Variants in ARMH3 observed in about 807,000 individuals in gnomAD.
The protein encoded by ARMH3 is armadillo like helical domain containing 3, also known as armadillo-like helical domain-containing protein 3.
Under a neutral mutation model 99.1 loss-of-function variants are expected in ARMH3, and 60 were observed. The ratio of observed to expected loss-of-function variants is 0.61; its 90% CI spans 0.49 to 0.75. ARMH3 has a LOEUF of 0.75. ARMH3 is among the 30% of genes least tolerant of loss of function. The pLI is 0.00. For synonymous variants in ARMH3, 285 were observed against 292.8 expected (o/e 0.97, Z 0.27); for missense variants, 679 against 843.1 (o/e 0.81, Z 2.41).
In ARMH3 at chr10:101,995,242, G is replaced by T. The variant is rs541521532; in HGVS notation, c.1209+55C>A. ...CAGTAATGGGGTGAGGGGAGGCAGG[G>T]AAAGATAGCACTTTGTAAAAGACTG... is the stretch of plus-strand genomic sequence containing the variant. On this transcript the variant is annotated intron_variant, in intron 16 of 25. Coordinates refer to ENST00000370033, the MANE Select transcript of ARMH3 (RefSeq NM_024541.3). 1.1e-5 allele frequency: 16 copies of T among 1,476,412 alleles called. No individual in the cohort carries two copies. In the Admixed American group the frequency reaches 1.8e-4, roughly 16 times the overall value. The allele number at this position is 1,476,412 out of a possible 1,614,324, so 91.5% of individuals were successfully genotyped here. A position where few individuals can be genotyped will look rare whatever the true frequency, so the allele number is the denominator to read the frequency against.
chr10:101,967,056 C>A (rs996121430), intron 20 of ARMH3, among the ~76,000 whole-genome samples: 37 of 152,198 alleles, frequency 2.4e-4, no homozygotes, highest in African/African-American at 8.4e-4. Flanking sequence ...CTTTTACATG[C>A]TATGAAGACA....
intron 2 of ARMH3, among the ~76,000 whole-genome samples, chr10:102,034,268 C>A (rs1337759511): frequency 1.3e-5 from 2 of 152,130 alleles, no homozygotes; most frequent in Non-Finnish European, 2.9e-5. Context: ...ATGCTAAAAT[C>A]CAAAATTTCC....
At chr10:101,871,293 C>T (rs985510671) in intron 24 of ARMH3, among the ~76,000 whole-genome samples, 4 of 152,218 alleles carry the variant, frequency 2.6e-5, no homozygotes, top group African/African-American at 9.6e-5. Context: ...TAATGCAATT[C>T]TAATCAAAAT....
intron 22 of ARMH3, among the ~76,000 whole-genome samples, chr10:101,950,159 A>C (rs1844720901): frequency 6.6e-6 from 1 of 152,184 alleles, no homozygotes; most frequent in South Asian, 2.1e-4. Context: ...CAGTACAATA[A>C]GGCAAGAAAA....
At chr10:102,023,993 C>T (rs578145560) in intron 6 of ARMH3, among the ~76,000 whole-genome samples, 1 of 152,318 alleles carries the variant, frequency 6.6e-6, no homozygotes, top group African/African-American at 2.4e-5. Flanking sequence ...TATCCTCACA[C>T]ATGCATTCGC....
intron 2 of ARMH3, among the ~76,000 whole-genome samples, chr10:102,037,541 A>G (rs1429107021): frequency 6.6e-6 from 1 of 151,874 alleles, no homozygotes; most frequent in African/African-American, 2.4e-5. Context: ...GCCTTCTCAC[A>G]ACGTCCTCAT....
chr10:101,952,448 T>C (rs1279005139), intron 22 of ARMH3, among the ~76,000 whole-genome samples: 1 of 152,182 alleles, frequency 6.6e-6, no homozygotes, highest in Non-Finnish European at 1.5e-5. Flanking sequence ...TGTGGTAACA[T>C]GGATGGGATC....
At chr10:102,054,996 C>CA (rs1355661388) in intron 1 of ARMH3, among the ~76,000 whole-genome samples, 5 of 135,882 alleles carry the variant, frequency 3.7e-5, no homozygotes, top group Non-Finnish European at 7.8e-5. Context: ...AACTCCGTCT[C>CA]AAAAAAACAA....
chr10:102,051,232 G>A (rs1228878230), intron 1 of ARMH3, among the ~76,000 whole-genome samples: 3 of 151,800 alleles, frequency 2.0e-5, no homozygotes, highest in African/African-American at 7.3e-5. Context: ...CAGCACTTTG[G>A]GAGGCCAAGG....
At chr10:101,852,272 G>A (rs993820532) in intron 24 of ARMH3, among the ~76,000 whole-genome samples, 9 of 152,238 alleles carry the variant, frequency 5.9e-5, no homozygotes, top group Admixed American at 3.9e-4. Flanking sequence ...GCCTCAGGCC[G>A]CAGGTAAGGC....
chr10:101,935,520 C>G (rs1403411824), intron 23 of ARMH3, among the ~76,000 whole-genome samples: 1 of 152,214 alleles, frequency 6.6e-6, no homozygotes, highest in Non-Finnish European at 1.5e-5. Flanking sequence ...GAAAGGTCTA[C>G]AGCCTTCCTG....
At chr10:102,046,272 GAGAA>G (rs1218015656) in intron 1 of ARMH3, among the ~76,000 whole-genome samples, 1 of 147,164 alleles carries the variant, frequency 6.8e-6, no homozygotes, top group Non-Finnish European at 1.5e-5. Flanking sequence ...GAGAAAAAGA[GAGAA>G]AGAGAGGGAG....
intron 8 of ARMH3, among the ~76,000 whole-genome samples, chr10:102,020,743 C>T (rs1224633950): frequency 6.7e-6 from 1 of 148,972 alleles, no homozygotes; most frequent in African/African-American, 2.5e-5. Flanking sequence ...ATCCCAGCTA[C>T]TCAGGAGGCT....
At chr10:102,055,824 G>A (rs2067835857) in intron 1 of ARMH3, among the ~76,000 whole-genome samples, 2 of 152,190 alleles carry the variant, frequency 1.3e-5, no homozygotes, top group South Asian at 2.1e-4. Context: ...GGACGTGACC[G>A]GGACCGTGTG....
chr10:102,047,573 G>A (rs1303846757), intron 1 of ARMH3, among the ~76,000 whole-genome samples: 2 of 150,224 alleles, frequency 1.3e-5, no homozygotes, highest in African/African-American at 2.5e-5. Flanking sequence ...GGCAACCTCC[G>A]CATCCCAGGC....
intron 13 of ARMH3, among the ~76,000 whole-genome samples, chr10:102,006,990 G>A (rs1212001211): frequency 2.0e-5 from 3 of 151,346 alleles, no homozygotes; most frequent in Non-Finnish European, 4.4e-5. Flanking sequence ...GTGAAACCCC[G>A]TCTCTACTAA....
chr10:102,048,316 G>A (rs2067606365), intron 1 of ARMH3, among the ~76,000 whole-genome samples: 1 of 152,194 alleles, frequency 6.6e-6, no homozygotes, highest in Non-Finnish European at 1.5e-5. Context: ...TAGTGATGGA[G>A]ATGAAAATCT....
chr10:102,043,693 G>A (rs1021141686), intron 1 of ARMH3, among the ~76,000 whole-genome samples: 1 of 152,194 alleles, frequency 6.6e-6, no homozygotes, highest in Non-Finnish European at 1.5e-5. Context: ...CCACAGAAAT[G>A]TCAGTTTAGG....
At chr10:102,017,308 T>C (rs900105037) in intron 8 of ARMH3, among the ~76,000 whole-genome samples, 1 of 152,216 alleles carries the variant, frequency 6.6e-6, no homozygotes, top group African/African-American at 2.4e-5. Context: ...CCAGATAAAT[T>C]AGGCCCACCA....
Sources: allele counts gnomAD v4.1 joint callset (sites outside exome capture counted in the v4.1 genomes callset), GRCh38; gene constraint gnomAD v4.1.1; transcripts MANE v1.5; gene names NCBI Gene and HGNC (gene_info 2026-07-23, HGNC 2026-07-21).